SLIT3: variants seen among roughly 807,000 people sequenced by gnomAD.
SLIT3 encodes slit guidance ligand 3, also known as slit homolog 3 protein.
In SLIT3, 68 loss-of-function variants were observed where a neutral mutation model predicts 184.0. The ratio of observed to expected loss-of-function variants is 0.37; its 90% CI spans 0.30 to 0.45. The LOEUF (loss-of-function observed/expected upper bound fraction) is 0.45. Ranked by LOEUF, SLIT3 falls within the 20% of genes least tolerant of loss-of-function variation. The pLI is 1.00. For synonymous variants in SLIT3, 831 were observed against 828.6 expected (o/e 1.00, Z -0.05); for missense variants, 1,707 against 2,026.0 (o/e 0.84, Z 3.02).
chr5:168,812,248 AAGTTATGGTT>A (rs1329957250), intron 8 of SLIT3, among the ~76,000 whole-genome samples: 1 of 152,182 alleles, frequency 6.6e-6, no homozygotes, highest in African/African-American at 2.4e-5. Context: ...CGCATGTATG[AAGTTATGGTT>A]AGAGAGGAGT....
intron 4 of SLIT3, among the ~76,000 whole-genome samples, chr5:168,930,626 G>A (rs1398591269): frequency 2.0e-5 from 3 of 152,234 alleles, no homozygotes; most frequent in Non-Finnish European, 2.9e-5. Context: ...GGTACTCAAT[G>A]AATACAGACC....
rs568298632 is a variant in SLIT3 at position 169,177,497 on chromosome 5, C to T, written c.413+15982G>A. 3.3e-5 allele frequency among the ~76,000 whole-genome samples: 5 copies of T among 152,166 alleles called. No individual in the cohort carries two copies. In the East Asian group the frequency reaches 9.6e-4, roughly 29 times the overall value. On this transcript the variant is annotated intron_variant, in intron 4 of 35. Transcript: ENST00000519560. ...TAGCATAGCAATTTGGGACTCCTCACTGGAGTCTGGCTAAGTAGCTGCAGG... is the reference window on the plus strand; with the variant it reads ...TAGCATAGCAATTTGGGACTCCTCATTGGAGTCTGGCTAAGTAGCTGCAGG...
intron 4 of SLIT3, among the ~76,000 whole-genome samples, chr5:169,165,299 CA>C (rs1561708791): frequency 6.6e-6 from 1 of 152,184 alleles, no homozygotes; most frequent in Non-Finnish European, 1.5e-5. Flanking sequence ...GTGCCTAGGC[CA>C]ACCTAAAAGA....
chr5:168,846,187 T>C (rs1758458154), intron 5 of SLIT3, among the ~76,000 whole-genome samples: 1 of 152,192 alleles, frequency 6.6e-6, no homozygotes, highest in Non-Finnish European at 1.5e-5. Flanking sequence ...TATTAATACA[T>C]CATCTCAATA....
intron 20 of SLIT3, among the ~76,000 whole-genome samples, chr5:168,738,428 C>A (rs533682671): frequency 2.0e-5 from 3 of 152,250 alleles, no homozygotes; most frequent in African/African-American, 7.2e-5. Context: ...TTTAATGTCC[C>A]GTATGACAAA....
At chr5:169,297,423 T>C (rs1353694702) in intron 1 of SLIT3, among the ~76,000 whole-genome samples, 3 of 152,154 alleles carry the variant, frequency 2.0e-5, no homozygotes, top group Admixed American at 2.0e-4. Context: ...TTTTCCTTAA[T>C]GTCATAACAC....
intron 3 of SLIT3, among the ~76,000 whole-genome samples, chr5:169,209,955 T>A (rs192331847): frequency 6.6e-6 from 1 of 151,394 alleles, no homozygotes; most frequent in Non-Finnish European, 1.5e-5. Flanking sequence ...TAAAAAAAAA[T>A]TATAAAATTC....
chr5:168,718,053 T>C (rs555797873), intron 23 of SLIT3: 1 of 152,226 alleles, frequency 6.6e-6, no homozygotes, highest in East Asian at 1.9e-4. Flanking sequence ...TTTGTTTACT[T>C]ATTTTTATTT....
intron 20 of SLIT3, among the ~76,000 whole-genome samples, chr5:168,741,587 G>C (rs979919665): frequency 5.9e-5 from 9 of 151,842 alleles, no homozygotes; most frequent in African/African-American, 2.2e-4. Flanking sequence ...CAGTGAATGA[G>C]ACACAATTGC....
rs1352184521 is a variant in SLIT3, at chr5:169,300,489, G to A, written c.197+24C>T. 6.9e-7 allele frequency: 1 copy of A among 1,452,110 alleles called. No homozygotes were observed. Among genetic ancestry groups the A allele is most frequent in the South Asian group, 1.4e-5 (1 of 73,390 alleles). The allele number at this position is 1,452,110 out of a possible 1,614,324, so 90.0% of individuals were successfully genotyped here. A position where few individuals can be genotyped will look rare whatever the true frequency, so the allele number is the denominator to read the frequency against. ...GGTGGGACCCAGGTGGGTGGCCCGC[G>A]TGGGGTGGGGCAGGGGTACTCACAG... On this transcript the variant is annotated intron_variant, in intron 1 of 35. Coordinates refer to ENST00000519560, the MANE Select transcript of SLIT3 (RefSeq NM_003062.4). This position sits in a 1 kb window ranked among gnomAD's most constrained non-coding sequence, Gnocchi z 4.1.
intron 27 of SLIT3, among the ~76,000 whole-genome samples, chr5:168,697,910 G>A (rs1387112787): frequency 2.6e-5 from 4 of 152,184 alleles, no homozygotes; most frequent in African/African-American, 4.8e-5. Context: ...AGAGCCTTAG[G>A]GCTACCTGGC....
At chr5:169,232,520 C>T (rs1012977149) in intron 3 of SLIT3, among the ~76,000 whole-genome samples, 17 of 152,072 alleles carry the variant, frequency 1.1e-4, no homozygotes, top group African/African-American at 3.9e-4. Flanking sequence ...CCAGCACTCC[C>T]GGCCAAAAAA....
In SLIT3 at chr5:169,125,108, C is replaced by T. The variant is rs559505835; in HGVS notation, c.413+68371G>A. Among the ~76,000 whole-genome samples, 341 of 152,086 alleles carry T rather than the reference C, an allele frequency of 2.2e-3. 2 individuals are homozygous for T. Among genetic ancestry groups the T allele is most frequent in the Admixed American group, 4.8e-3 (73 of 15,284 alleles). The stretch of plus-strand genomic sequence containing the variant: ...CTGTCGCCAGGCTACAGTGCAGTGG[C>T]GCAATCTCGGCTCACTGCAACCTCC... On this transcript the variant is annotated intron_variant, in intron 4 of 35. Coordinates refer to ENST00000519560, the MANE Select transcript of SLIT3 (RefSeq NM_003062.4).
At chr5:169,242,084 A>T (rs183253850) in intron 3 of SLIT3, among the ~76,000 whole-genome samples, 104 of 152,316 alleles carry the variant, frequency 6.8e-4, no homozygotes, top group Non-Finnish European at 9.9e-4. Flanking sequence ...GGCACAATCC[A>T]CCGTCATATT....
At chr5:169,198,614 G>C (rs964728635) in intron 3 of SLIT3, among the ~76,000 whole-genome samples, 2 of 152,130 alleles carry the variant, frequency 1.3e-5, no homozygotes, top group Non-Finnish European at 2.9e-5. Flanking sequence ...TTTGAGCAAG[G>C]GAGTGATAAT....
chr5:169,288,898 G>A (rs1185942359), intron 1 of SLIT3, among the ~76,000 whole-genome samples: 1 of 152,222 alleles, frequency 6.6e-6, no homozygotes, highest in Non-Finnish European at 1.5e-5. Flanking sequence ...GGAGCTCCCT[G>A]AGTTTCTTCA....
intron 4 of SLIT3, among the ~76,000 whole-genome samples, chr5:169,091,666 A>G (rs1197904186): frequency 1.3e-5 from 2 of 152,218 alleles, no homozygotes; most frequent in African/African-American, 4.8e-5. Flanking sequence ...GGGAAATGAC[A>G]AGGAGGGCAG....
At chr5:168,767,960 C>T (rs1315502520) in intron 14 of SLIT3, among the ~76,000 whole-genome samples, 1 of 152,120 alleles carries the variant, frequency 6.6e-6, no homozygotes, top group Non-Finnish European at 1.5e-5. Flanking sequence ...GATGTGGATA[C>T]AGATCTCTTT....
intron 20 of SLIT3, among the ~76,000 whole-genome samples, chr5:168,724,745 C>T (rs1196317949): frequency 1.3e-5 from 2 of 152,136 alleles, no homozygotes; most frequent in Admixed American, 6.5e-5. Context: ...CGTTGGATCC[C>T]CCCGTGGCTG....
Sources: gnomAD v4.1 joint callset for allele counts (sites outside exome capture counted in the v4.1 genomes callset) on GRCh38, gnomAD v4.1.1 for gene constraint, Gnocchi (gnomAD v3.1) non-coding constraint, MANE v1.5 for transcripts, NCBI Gene and HGNC (gene_info 2026-07-23, HGNC 2026-07-21) for gene names.